Variants in CEP112 observed in about 807,000 individuals in gnomAD.
CEP112 encodes centrosomal protein of 112 kDa.
Under a neutral mutation model 153.0 loss-of-function variants are expected in CEP112, and 127 were observed. The ratio of observed to expected loss-of-function variants is 0.83; its 90% CI spans 0.72 to 0.96. The LOEUF (loss-of-function observed/expected upper bound fraction) is 0.96. Ranked by LOEUF, CEP112 falls within the 40% of genes least tolerant of loss-of-function variation. The pLI, the probability that CEP112 is intolerant of heterozygous loss-of-function variation, is 0.00. For synonymous variants in CEP112, 358 were observed against 374.4 expected, an observed-to-expected ratio of 0.96 and a Z score of 0.51; for missense variants, 1,089 against 1,101.2, an observed-to-expected ratio of 0.99 and a Z score of 0.16.
At chr17:66,129,902 A>G (rs746914167) in intron 5 of CEP112, 79 bp from the exon 6 acceptor site, 5 of 929,774 alleles carry the variant, frequency 5.4e-6, no homozygotes, top group African/African-American at 1.7e-5. Flanking sequence ...AAGAGATAAA[A>G]GAGGAAAAGA....
intron 17 of CEP112, among the ~76,000 whole-genome samples, chr17:65,982,831 T>C (rs1410283482): frequency 6.6e-6 from 1 of 152,144 alleles, no homozygotes. Flanking sequence ...AATAGTTGAG[T>C]AGGTAAACTA....
chr17:65,701,922 G>A (rs1263338540), intron 23 of CEP112, among the ~76,000 whole-genome samples: 2 of 128,280 alleles, frequency 1.6e-5, no homozygotes, highest in East Asian at 2.2e-4. Context: ...TTTTTGAGAC[G>A]GAGTCTTGCT....
At chr17:65,656,610 G>A (rs767372411) in intron 24 of CEP112, among the ~76,000 whole-genome samples, 1 of 152,174 alleles carries the variant, frequency 6.6e-6, no homozygotes, top group Non-Finnish European at 1.5e-5. Context: ...GCTTTCTCAT[G>A]ACAATGGCAG....
At chr17:66,185,898 CATT>C (rs1471274544) in intron 1 of CEP112, among the ~76,000 whole-genome samples, 1 of 152,188 alleles carries the variant, frequency 6.6e-6, no homozygotes, top group Non-Finnish European at 1.5e-5. Context: ...ATCATTTCAT[CATT>C]AACAACCTCT....
chr17:65,829,518 G>A (rs1426761845), intron 21 of CEP112, among the ~76,000 whole-genome samples: 1 of 152,134 alleles, frequency 6.6e-6, no homozygotes, highest in East Asian at 1.9e-4. Context: ...AAGAGGCTCT[G>A]TCCCTTTATC....
intron 6 of CEP112, among the ~76,000 whole-genome samples, chr17:66,120,683 G>T (rs1234143113): frequency 2.0e-5 from 3 of 151,974 alleles, no homozygotes; most frequent in Non-Finnish European, 4.4e-5. Context: ...TATACTTTGA[G>T]TATCTATAGT....
chr17:65,706,323 AG>A (rs34869121), intron 23 of CEP112, among the ~76,000 whole-genome samples: 2 of 152,210 alleles, frequency 1.3e-5, no homozygotes, highest in Admixed American at 6.5e-5. Context: ...AGTAAATACA[AG>A]GAAAATGGGG....
chr17:66,053,914 A>G (rs1568436917), intron 11 of CEP112, 35 bp from the exon 12 acceptor site: 1 of 1,561,182 alleles, frequency 6.4e-7, no homozygotes, highest in South Asian at 1.2e-5. Flanking sequence ...CTCTTTTACT[A>G]CTATGGAATT....
rs539572105 is a variant in CEP112 at position 65,867,865 on chromosome 17, T to C, written c.2164-15831A>G. Among the ~76,000 whole-genome samples, 25 of 152,256 alleles carry C rather than the reference T, an allele frequency of 1.6e-4. No individual in the cohort carries two copies. In the South Asian group the frequency reaches 2.1e-3, roughly 13 times the overall value. On this transcript the variant is annotated intron_variant, in intron 20 of 26. Transcript: ENST00000535342. ...AAATACTGAGAGATAACTTTTAGTG[T>C]CTGCAGCGGCCAACTTATGAAGTAA...
At chr17:65,685,001 AC>A (rs2047710953) in intron 24 of CEP112, among the ~76,000 whole-genome samples, 1 of 152,224 alleles carries the variant, frequency 6.6e-6, no homozygotes, top group South Asian at 2.1e-4. Flanking sequence ...ATTAGAGAAA[AC>A]ATCACGTTTT....
intron 24 of CEP112, among the ~76,000 whole-genome samples, chr17:65,643,350 T>C (rs958335748): frequency 1.3e-5 from 2 of 152,116 alleles, no homozygotes; most frequent in African/African-American, 2.4e-5. Context: ...CAGGCTGTAG[T>C]GCAGTGGCAT....
chr17:65,991,291 C>T (rs931815371), intron 17 of CEP112, among the ~76,000 whole-genome samples: 49 of 152,184 alleles, frequency 3.2e-4, no homozygotes, highest in African/African-American at 1.2e-3. Context: ...TCAAATATTT[C>T]CCTCTTGCTC....
At chr17:65,712,220 T>G (rs1366241688) in intron 23 of CEP112, among the ~76,000 whole-genome samples, 4 of 152,168 alleles carry the variant, frequency 2.6e-5, no homozygotes, top group African/African-American at 9.7e-5. Context: ...AACAAAATAA[T>G]TTTTGAGATG....
intron 12 of CEP112, among the ~76,000 whole-genome samples, chr17:66,049,259 T>C (rs1186202859): frequency 2.0e-5 from 3 of 152,226 alleles, no homozygotes; most frequent in South Asian, 2.1e-4. Context: ...CCAAGGGACA[T>C]GGGCTCACAG....
chr17:66,112,096 G>C (rs1036065507), intron 6 of CEP112, among the ~76,000 whole-genome samples: 1 of 151,986 alleles, frequency 6.6e-6, no homozygotes, highest in African/African-American at 2.4e-5. Flanking sequence ...CTTGAGACCA[G>C]CCTGGCCAAC....
intron 23 of CEP112, among the ~76,000 whole-genome samples, chr17:65,727,736 G>C (rs185897310): frequency 1.3e-3 from 196 of 152,286 alleles, no homozygotes; most frequent in Non-Finnish European, 2.4e-3. Flanking sequence ...ATCTTCAAAA[G>C]AAGATGATTT....
At chr17:65,919,580 G>A (rs974075905) in intron 19 of CEP112, among the ~76,000 whole-genome samples, 7 of 152,118 alleles carry the variant, frequency 4.6e-5, no homozygotes, top group African/African-American at 1.2e-4. Context: ...ATGAGTCAGC[G>A]GTGGAATCAG....
At chr17:66,081,760 C>T (rs1358455528) in intron 8 of CEP112, among the ~76,000 whole-genome samples, 1 of 151,996 alleles carries the variant, frequency 6.6e-6, no homozygotes, top group African/African-American at 2.4e-5. Flanking sequence ...ACTAAAAATA[C>T]AAAAATTAGC....
intron 18 of CEP112, among the ~76,000 whole-genome samples, chr17:65,940,782 TC>T (rs1568265815): frequency 6.6e-6 from 1 of 152,178 alleles, no homozygotes; most frequent in African/African-American, 2.4e-5. Context: ...GTACAAAGTT[TC>T]ACTTAGACAA....
Sources: gnomAD v4.1 joint callset for allele counts (sites outside exome capture counted in the v4.1 genomes callset) on GRCh38, gnomAD v4.1.1 for gene constraint, MANE v1.5 for transcripts, NCBI Gene and HGNC (gene_info 2026-07-23, HGNC 2026-07-21) for gene names.